SMARCB1: variants seen among roughly 807,000 people sequenced by gnomAD.
The protein encoded by SMARCB1 is SWI/SNF-related matrix-associated actin-dependent regulator of chromatin subfamily B member 1.
In SMARCB1, 5 loss-of-function variants were observed where a neutral mutation model predicts 49.0. The observed-to-expected ratio is 0.10, with a 90% CI of 0.05 to 0.21. The LOEUF (loss-of-function observed/expected upper bound fraction) is 0.21. Ranked by LOEUF, SMARCB1 falls within the 10% of genes least tolerant of loss-of-function variation. The pLI is 1.00. For missense variants in SMARCB1, 226 were observed against 509.2 expected, an observed-to-expected ratio of 0.44 and a Z score of 5.35; for synonymous variants, 201 against 200.1, an observed-to-expected ratio of 1.00 and a Z score of -0.04.
At chr22:23,795,062 C>T (rs59348061) in intron 3 of SMARCB1, among the ~76,000 whole-genome samples, 3,475 of 152,070 alleles carry the variant, frequency 0.023, 96 homozygotes, top group African/African-American at 0.064. Context: ...AAAGATGGTC[C>T]ATACCTTGAA....
chr22:23,795,066 C>T (rs1453522001), intron 3 of SMARCB1, among the ~76,000 whole-genome samples: 2 of 152,042 alleles, frequency 1.3e-5, no homozygotes, highest in African/African-American at 4.8e-5. Flanking sequence ...ATGGTCCATA[C>T]CTTGAAGTAC....
intron 6 of SMARCB1, among the ~76,000 whole-genome samples, chr22:23,819,838 C>T (rs1009402469): frequency 1.3e-5 from 2 of 150,880 alleles, no homozygotes; most frequent in African/African-American, 4.9e-5. Flanking sequence ...CTTTTCTTTT[C>T]TTTTTCTAGA....
At chr22:23,790,234 T>C (rs926580018) in intron 1 of SMARCB1, among the ~76,000 whole-genome samples, 1 of 152,100 alleles carries the variant, frequency 6.6e-6, no homozygotes, top group African/African-American at 2.4e-5. Flanking sequence ...AAAAACCTAA[T>C]GGAAACTCTA....
chr22:23,800,517 G>C (rs926812481), intron 3 of SMARCB1, among the ~76,000 whole-genome samples: 1 of 152,106 alleles, frequency 6.6e-6, no homozygotes, highest in African/African-American at 2.4e-5. Context: ...CCTCCCTGGG[G>C]ACCTCCTCCC....
intron 5 of SMARCB1, among the ~76,000 whole-genome samples, chr22:23,813,828 TA>T (rs569486330): frequency 3.3e-4 from 50 of 152,060 alleles, no homozygotes; most frequent in Non-Finnish European, 6.5e-4. Flanking sequence ...ATTTATTTAT[TA>T]TTATTATTAT....
chr22:23,824,890 A>C, intron 6 of SMARCB1: 1 of 432,594 alleles, frequency 2.3e-6, no homozygotes, highest in Non-Finnish European at 4.3e-6. Context: ...GACCGATGGC[A>C]GCAGGAGCGA....
At position 23,837,443 on chromosome 22, in the gene SMARCB1, C is replaced by T; in HGVS notation, c.*3263C>T. 1.5e-6 allele frequency: 1 copy of T among 651,772 alleles called. No homozygotes were observed. The allele number at this position is 651,772 out of a possible 1,614,324, so 40.4% of individuals were successfully genotyped here. On this transcript the variant is annotated 3_prime_UTR_variant, in exon 9 of 9. Coordinates refer to ENST00000644036, the MANE Select transcript of SMARCB1 (RefSeq NM_003073.5). ...CATCCTCACTCCCATCAGGACCGTG[C>T]AAGCATCAGTAGATCCGTCCTGACG...
At chr22:23,803,852 C>G (rs576101634) in intron 5 of SMARCB1, 52 of 291,802 alleles carry the variant, frequency 1.8e-4, no homozygotes, top group Non-Finnish European at 3.3e-4. Flanking sequence ...GACATCCTCA[C>G]TCTGTAAGTC....
At chr22:23,805,276 C>T (rs1929427152) in intron 5 of SMARCB1, among the ~76,000 whole-genome samples, 3 of 152,048 alleles carry the variant, frequency 2.0e-5, no homozygotes, top group Non-Finnish European at 4.4e-5. Flanking sequence ...CAAGAGACTC[C>T]GGGAGGTTGT....
intron 3 of SMARCB1, among the ~76,000 whole-genome samples, chr22:23,796,947 T>TG (rs1460663459): frequency 6.6e-6 from 1 of 151,798 alleles, no homozygotes; most frequent in Non-Finnish European, 1.5e-5. Flanking sequence ...GAGCAGAGGC[T>TG]GGGTGCCCTC....
chr22:23,795,356 TAAAAA>T (rs1194309662), intron 3 of SMARCB1, among the ~76,000 whole-genome samples: 1 of 151,530 alleles, frequency 6.6e-6, no homozygotes, highest in Non-Finnish European at 1.5e-5. Flanking sequence ...CTTTGTCTCT[TAAAAA>T]AAATAAAAAA....
At position 23,837,487 on chromosome 22, in the gene SMARCB1, G is replaced by T; in HGVS notation, c.*3307G>T. The stretch of plus-strand genomic sequence containing the variant: ...CCTGACGATGCAAATTATGTGGGCC[G>T]GCTGGCTTGAGGGGCTGTAAGAGCA... On this transcript the variant is annotated 3_prime_UTR_variant, in exon 9 of 9. Transcript: ENST00000644036. 1.4e-6 allele frequency: 1 copy of T among 717,782 alleles called. No homozygotes were observed. The highest frequency in any genetic ancestry group is 2.3e-6 in the Non-Finnish European group (1 of 439,772). The allele number at this position is 717,782 out of a possible 1,614,324, so 44.5% of individuals were successfully genotyped here.
chr22:23,802,292 A>C (rs1929208075), intron 4 of SMARCB1: 1 of 152,600 alleles, frequency 6.6e-6, no homozygotes, highest in South Asian at 2.1e-4. Context: ...AGGCCTGAGA[A>C]CGTCCTCATT....
At position 23,837,462 on chromosome 22, in the gene SMARCB1, C is replaced by T. The variant is rs371783806; in HGVS notation, c.*3282C>T. On this transcript the variant is annotated 3_prime_UTR_variant, in exon 9 of 9. Coordinates refer to ENST00000644036, the MANE Select transcript of SMARCB1 (RefSeq NM_003073.5). ...ACCGTGCAAGCATCAGTAGATCCGT[C>T]CTGACGATGCAAATTATGTGGGCCG... 9.7e-3 allele frequency: 6,534 copies of T among 671,678 alleles called. 52 individuals carry two copies. The highest frequency in any genetic ancestry group is 0.018 in the Middle Eastern group (43 of 2,416). The allele number at this position is 671,678 out of a possible 1,614,324, so 41.6% of individuals were successfully genotyped here.
At chr22:23,809,435 C>A (rs1214100055) in intron 5 of SMARCB1, among the ~76,000 whole-genome samples, 3 of 151,812 alleles carry the variant, frequency 2.0e-5, no homozygotes, top group African/African-American at 7.3e-5. Flanking sequence ...TGCCACCATA[C>A]CCGGTTAATT....
chr22:23,795,689 TAAAAAA>T (rs1928699695), intron 3 of SMARCB1, among the ~76,000 whole-genome samples: 1 of 144,020 alleles, frequency 6.9e-6, no homozygotes, highest in Non-Finnish European at 1.5e-5. Flanking sequence ...AATAAATAAA[TAAAAAA>T]TAAAAATAAA....
chr22:23,827,741 G>A (rs931159053), intron 7 of SMARCB1, among the ~76,000 whole-genome samples: 6 of 152,110 alleles, frequency 3.9e-5, no homozygotes, highest in East Asian at 1.9e-4. Flanking sequence ...GGAGGGCTGC[G>A]TGTGTCTTCC....
At chr22:23,804,869 A>G (rs5751739) in intron 5 of SMARCB1, among the ~76,000 whole-genome samples, 140,498 of 152,282 alleles carry the variant, frequency 0.92, 64,979 homozygotes, top group Middle Eastern at 0.97. Flanking sequence ...TCTTCAAACA[A>G]TGCAGCATTT....
At chr22:23,802,833 G>A (rs1479480709) in intron 4 of SMARCB1, 8 of 303,600 alleles carry the variant, frequency 2.6e-5, no homozygotes, top group East Asian at 8.6e-5. Flanking sequence ...TTCGACACCC[G>A]CTAGCTTTGC....
Sources: allele counts gnomAD v4.1 joint callset (sites outside exome capture counted in the v4.1 genomes callset), GRCh38; gene constraint gnomAD v4.1.1; transcripts MANE v1.5; gene names NCBI Gene and HGNC (gene_info 2026-07-23, HGNC 2026-07-21).